Variants in PAX5 observed in about 807,000 individuals in gnomAD.
PAX5 encodes the protein paired box 5, also known as paired box protein Pax-5.
A neutral mutation model predicts 43.7 loss-of-function variants in PAX5; 9 were observed. That is an observed-to-expected ratio of 0.21 (90% confidence interval 0.12 to 0.36). The LOEUF (loss-of-function observed/expected upper bound fraction) is 0.36, where lower values mean the gene tolerates loss of function less well. PAX5 is among the 10% of genes least tolerant of loss of function. The probability of loss-of-function intolerance (pLI) is 1.00; values close to 1 mark genes in which losing one functional copy is unlikely to be tolerated. For missense variants in PAX5, 383 were observed against 532.7 expected (o/e 0.72, Z 2.77); for synonymous variants, 228 against 214.3 (o/e 1.06, Z -0.56).
chr9:37,002,914 C>A (rs1838031408), intron 4 of PAX5, 138 bp from the exon 5 acceptor site: 1 of 1,063,090 alleles, frequency 9.4e-7, no homozygotes, highest in Admixed American at 2.7e-5. Flanking sequence ...CCTCGCTCTG[C>A]GGAGGCGGCC....
chr9:36,947,787 C>T (rs894410819), intron 6 of PAX5, among the ~76,000 whole-genome samples: 2 of 151,798 alleles, frequency 1.3e-5, no homozygotes, highest in Non-Finnish European at 2.9e-5. Context: ...ACTTTGGCCA[C>T]CTGAAACTAC....
At chr9:36,915,141 T>A (rs1186673816) in intron 7 of PAX5, among the ~76,000 whole-genome samples, 1 of 152,250 alleles carries the variant, frequency 6.6e-6, no homozygotes, top group Admixed American at 6.5e-5. Context: ...TCATTGTGCA[T>A]CTATGTGAAT....
At chr9:37,009,754 T>TA (rs1205503756) in intron 3 of PAX5, among the ~76,000 whole-genome samples, 1 of 152,084 alleles carries the variant, frequency 6.6e-6, no homozygotes, top group Non-Finnish European at 1.5e-5. Flanking sequence ...GGTGGGTTAT[T>TA]ACTCATTGCA....
At chr9:36,859,714 G>C (rs946137997) in intron 8 of PAX5, among the ~76,000 whole-genome samples, 3 of 152,198 alleles carry the variant, frequency 2.0e-5, no homozygotes, top group Non-Finnish European at 4.4e-5. Context: ...ACCCAGGCCA[G>C]TGGCTGTCAA....
intron 8 of PAX5, among the ~76,000 whole-genome samples, chr9:36,856,790 C>G (rs1216635949): frequency 6.6e-6 from 1 of 152,116 alleles, no homozygotes; most frequent in African/African-American, 2.4e-5. Context: ...CACAAATTTT[C>G]TAAAGGGAGA....
intron 3 of PAX5, among the ~76,000 whole-genome samples, chr9:37,009,895 G>A (rs1416172164): frequency 6.6e-6 from 1 of 152,122 alleles, no homozygotes; most frequent in African/African-American, 2.4e-5. Flanking sequence ...GGGGAAGGTA[G>A]CCACTCTCAC....
At chr9:36,976,661 C>T (rs1180902846) in intron 5 of PAX5, among the ~76,000 whole-genome samples, 2 of 152,208 alleles carry the variant, frequency 1.3e-5, no homozygotes, top group Non-Finnish European at 2.9e-5. Flanking sequence ...ACTGAAACTA[C>T]CATTATTCAG....
chr9:36,978,724 A>T (rs1306333210), intron 5 of PAX5, among the ~76,000 whole-genome samples: 3 of 152,232 alleles, frequency 2.0e-5, no homozygotes, highest in Non-Finnish European at 4.4e-5. Context: ...GTTTTGTCAT[A>T]GATCAAAGTG....
intron 5 of PAX5, among the ~76,000 whole-genome samples, chr9:36,995,818 A>AG (rs1837342512): frequency 6.6e-6 from 1 of 152,020 alleles, no homozygotes; most frequent in Non-Finnish European, 1.5e-5. Flanking sequence ...TCAGACGCCC[A>AG]GCCCTCCCAG....
intron 6 of PAX5, among the ~76,000 whole-genome samples, chr9:36,933,223 C>T (rs1831270149): frequency 6.6e-6 from 1 of 152,024 alleles, no homozygotes; most frequent in South Asian, 2.1e-4. Context: ...ATATTTGACT[C>T]ATGGCACCGC....
intron 8 of PAX5, among the ~76,000 whole-genome samples, chr9:36,858,886 G>C (rs936184766): frequency 6.6e-6 from 1 of 152,146 alleles, no homozygotes; most frequent in African/African-American, 2.4e-5. Flanking sequence ...ATGTCCCGCC[G>C]CTGACTAATG....
intron 5 of PAX5, among the ~76,000 whole-genome samples, chr9:37,001,698 T>G (rs1326869384): frequency 6.6e-6 from 1 of 151,878 alleles, no homozygotes; most frequent in African/African-American, 2.4e-5. Context: ...CATGTGCTCA[T>G]GAGAACACAC....
At chr9:36,878,774 A>T (rs1826142319) in intron 8 of PAX5, among the ~76,000 whole-genome samples, 1 of 152,184 alleles carries the variant, frequency 6.6e-6, no homozygotes, top group South Asian at 2.1e-4. Flanking sequence ...ACAGATTTGG[A>T]AATTTTGTTG....
intron 6 of PAX5, among the ~76,000 whole-genome samples, chr9:36,934,655 A>C (rs773964537): frequency 1.3e-5 from 2 of 152,202 alleles, no homozygotes; most frequent in Non-Finnish European, 2.9e-5. Context: ...AAGGATGTTG[A>C]AGGGCCTTCC....
At chr9:36,851,299 G>A (rs1023655569) in intron 8 of PAX5, among the ~76,000 whole-genome samples, 5 of 152,282 alleles carry the variant, frequency 3.3e-5, no homozygotes, top group South Asian at 4.2e-4. Context: ...GATAGCTTTC[G>A]GTGGGGCTGG....
At chr9:36,985,929 G>T (rs1836360575) in intron 5 of PAX5, among the ~76,000 whole-genome samples, 1 of 152,186 alleles carries the variant, frequency 6.6e-6, no homozygotes. Context: ...AGAAAGAGTG[G>T]CAGTCGCACC....
At chr9:36,848,611 A>T (rs1822833715) in intron 8 of PAX5, among the ~76,000 whole-genome samples, 1 of 152,146 alleles carries the variant, frequency 6.6e-6, no homozygotes, top group African/African-American at 2.4e-5. Flanking sequence ...AGCCTGGAGA[A>T]CAGGGACAGC....
At chr9:36,841,522 C>A (rs1587721801) in intron 9 of PAX5, among the ~76,000 whole-genome samples, 1 of 152,364 alleles carries the variant, frequency 6.6e-6, no homozygotes, top group African/African-American at 2.4e-5. Context: ...TGTAGTCTGT[C>A]CCTATGCTAT....
chr9:36,990,835 C>T (rs1442637415), intron 5 of PAX5, among the ~76,000 whole-genome samples: 3 of 152,226 alleles, frequency 2.0e-5, no homozygotes, highest in South Asian at 2.1e-4. Flanking sequence ...GAAGGCCGGG[C>T]GCAGTGGCTC....
Sources: gnomAD v4.1 joint callset for allele counts (sites outside exome capture counted in the v4.1 genomes callset) on GRCh38, gnomAD v4.1.1 for gene constraint, MANE v1.5 for transcripts, NCBI Gene and HGNC (gene_info 2026-07-23, HGNC 2026-07-21) for gene names.